Variants in SLC6A16 observed in about 807,000 individuals in gnomAD.
SLC6A16 encodes the protein solute carrier family 6 member 16, also known as orphan sodium- and chloride-dependent neurotransmitter transporter NTT5.
SLC6A16 carries 54 observed loss-of-function variants against 65.4 expected under a neutral mutation model. That is an observed-to-expected ratio of 0.83 (90% CI 0.66 to 1.04). The LOEUF is 1.04. Ranked by LOEUF, SLC6A16 falls within the 50% of genes least tolerant of loss-of-function variation. The pLI is 0.00. For missense variants in SLC6A16, 816 were observed against 914.0 expected, an observed-to-expected ratio of 0.89 and a Z score of 1.38; for synonymous variants, 330 against 346.5, an observed-to-expected ratio of 0.95 and a Z score of 0.53.
intron 1 of SLC6A16, among the ~76,000 whole-genome samples, chr19:49,320,146 C>T (rs1568540955): frequency 6.6e-6 from 1 of 152,134 alleles, no homozygotes; most frequent in Non-Finnish European, 1.5e-5. Context: ...CAGTGGCTCA[C>T]GCCTGTAATC....
intron 7 of SLC6A16, among the ~76,000 whole-genome samples, chr19:49,304,658 G>A (rs139198776): frequency 1.6e-3 from 244 of 152,236 alleles, no homozygotes; most frequent in African/African-American, 5.6e-3. Context: ...CCAGCTACTC[G>A]GGAGGCTAAG....
chr19:49,338,008 C>G, the SLC6A16 span: 1 of 1,613,920 alleles, frequency 6.2e-7, no homozygotes, highest in African/African-American at 1.3e-5. The surrounding 1 kb of genome is among the most constrained non-coding windows in gnomAD (Gnocchi z 5.0). Context: ...CCGAGGAGAG[C>G]TGGGACTATG....
At chr19:49,294,610 C>T in intron 7 of SLC6A16, 57 bp from the exon 8 acceptor site, 3 of 1,410,560 alleles carry the variant, frequency 2.1e-6, no homozygotes, top group African/African-American at 1.5e-5. Flanking sequence ...AGATAGTCTC[C>T]TTTTCCCTTA....
chr19:49,299,261 G>C lies in SLC6A16; in HGVS notation c.1230-4708C>G, dbSNP rs1239227974. Among the ~76,000 whole-genome samples, 3 of 145,392 alleles carry C rather than the reference G, an allele frequency of 2.1e-5. No individual in the cohort carries two copies. The South Asian group carries it at 6.5e-4, about 31-fold the overall frequency. ...ACTCCGTCTCAAAAAAAAAAAAAAA[G>C]AAAGCTGAAAGATGCCAGAAGCGGG... On this transcript the variant is annotated intron_variant, in intron 7 of 11. Transcript: ENST00000335875.
rs2146071720 is a variant in SLC6A16, at chr19:49,293,947, T to C, written c.1498A>G (p.Ile500Val). The C allele has an allele frequency of 1.2e-6, 2 of 1,613,734 alleles. No individual in the cohort carries two copies. The highest frequency in any genetic ancestry group is 3.3e-5 in the Admixed American group (2 of 59,978). The part of the protein sequence containing the change: ...FLPPSVFWSF[I>V]FFLMLLAMGL... ...ATGGCCAGCAACATCAGGAAGAAGA[T>C]AAAAGACCAGAAGACAGACGGAGGA... is the stretch of plus-strand genomic sequence containing the variant. Residue 500 changes from isoleucine (I) to valine (V), a missense_variant, in exon 9 of 12, where the codon ATC (isoleucine) becomes GTC (valine). Transcript: ENST00000335875.
chr19:49,301,622 G>T (rs1211908058), intron 7 of SLC6A16, among the ~76,000 whole-genome samples: 2 of 152,208 alleles, frequency 1.3e-5, no homozygotes, highest in African/African-American at 4.8e-5. Flanking sequence ...TTTCACAGCT[G>T]AGGAAACCAA....
intron 10 of SLC6A16, among the ~76,000 whole-genome samples, chr19:49,291,097 G>C (rs1202758369): frequency 6.6e-6 from 1 of 152,110 alleles, no homozygotes; most frequent in Non-Finnish European, 1.5e-5. Context: ...ATATCCAGCA[G>C]TGAACAACAC....
the SLC6A16 span, chr19:49,340,194 A>C: frequency 1.3e-6 from 2 of 1,529,224 alleles, no homozygotes; most frequent in African/African-American, 2.8e-5. Flanking sequence ...GGTGGGCATC[A>C]CCCCCGTCTC....
At chr19:49,332,018 G>T in the SLC6A16 span, 1 of 450,540 alleles carries the variant, frequency 2.2e-6, no homozygotes, top group African/African-American at 2.0e-5. Flanking sequence ...AATTACCACA[G>T]ACTTACTACT....
upstream of SLC6A16, chr19:49,325,333 C>G: frequency 1.4e-6 from 1 of 717,500 alleles, no homozygotes; most frequent in Non-Finnish European, 1.7e-6. Context: ...CGCACGTGTG[C>G]ACATCCTCTG....
At chr19:49,337,866 T>C in the SLC6A16 span, 1 of 1,604,822 alleles carries the variant, frequency 6.2e-7, no homozygotes, top group East Asian at 2.2e-5. Flanking sequence ...TGGCACAGCC[T>C]GAGAGGGGGA....
upstream of SLC6A16, chr19:49,325,311 TC>T: frequency 1.1e-6 from 1 of 894,812 alleles, no homozygotes; most frequent in Non-Finnish European, 1.3e-6. Flanking sequence ...CCCTGCTCTC[TC>T]CCCACACGCA....
chr19:49,322,634 C>CAA (rs59799608), intron 1 of SLC6A16, among the ~76,000 whole-genome samples: 107 of 77,336 alleles, frequency 1.4e-3, no homozygotes, highest in African/African-American at 1.6e-3. Flanking sequence ...AACTCCATCT[C>CAA]AAAAAAAAAA....
chr19:49,334,353 G>T, the SLC6A16 span, among the ~76,000 whole-genome samples: 1 of 152,154 alleles, frequency 6.6e-6, no homozygotes, highest in Non-Finnish European at 1.5e-5. Flanking sequence ...AGGCATGGTG[G>T]TGTGCACCTG....
the SLC6A16 span, chr19:49,337,757 A>G: frequency 6.5e-7 from 1 of 1,537,566 alleles, no homozygotes; most frequent in East Asian, 2.4e-5. Flanking sequence ...AGCCGTAGAA[A>G]TAGTGGAAGA....
chr19:49,337,296 A>G, the SLC6A16 span: 1 of 1,430,474 alleles, frequency 7.0e-7, no homozygotes, highest in South Asian at 1.1e-5. Flanking sequence ...GAGGGTGGAG[A>G]GAGACCGAAA....
At chr19:49,336,670 AG>A in the SLC6A16 span, 1 of 489,172 alleles carries the variant, frequency 2.0e-6, no homozygotes, top group East Asian at 3.6e-5. Flanking sequence ...GACGAGGAGG[AG>A]CTGAAGGAGG....
chr19:49,309,143 G>A (rs756557962), intron 6 of SLC6A16, 26 bp from the exon 7 acceptor site: 8 of 1,611,300 alleles, frequency 5.0e-6, no homozygotes, highest in Admixed American at 1.7e-5. Flanking sequence ...CAAGCATAAG[G>A]GGGTTGTAAA....
At chr19:49,338,681 A>G in the SLC6A16 span, 2 of 1,580,352 alleles carry the variant, frequency 1.3e-6, no homozygotes, top group Middle Eastern at 3.3e-4. This position sits in a 1 kb window ranked among gnomAD's most constrained non-coding sequence, Gnocchi z 5.0. Flanking sequence ...GGTCCCTCTG[A>G]CTCGTATCCC....
Sources: gnomAD v4.1 joint callset for allele counts (sites outside exome capture counted in the v4.1 genomes callset) on GRCh38, gnomAD v4.1.1 for gene constraint, Gnocchi (gnomAD v3.1) non-coding constraint, MANE v1.5 for transcripts, NCBI Gene and HGNC (gene_info 2026-07-23, HGNC 2026-07-21) for gene names.